TUSC3: variants seen among roughly 807,000 people sequenced by gnomAD.
The protein encoded by TUSC3 is dolichyl-diphosphooligosaccharide--protein glycosyltransferase subunit TUSC3.
In TUSC3, 45 loss-of-function variants were observed where a neutral mutation model predicts 44.8. That is an observed-to-expected ratio of 1.00 (90% confidence interval 0.79 to 1.29). The LOEUF is 1.29. Among genes scored for constraint, TUSC3 ranks in the 50% most tolerant of loss-of-function variants. TUSC3 has a pLI of 0.00. For synonymous variants in TUSC3, 212 were observed against 152.9 expected, an observed-to-expected ratio of 1.39 and a Z score of -2.85; for missense variants, 519 against 437.9, an observed-to-expected ratio of 1.19 and a Z score of -1.65.
intron 1 of TUSC3, among the ~76,000 whole-genome samples, chr8:15,464,662 T>C (rs1000532560): frequency 3.2e-4 from 48 of 152,206 alleles, no homozygotes; most frequent in African/African-American, 1.1e-3. Flanking sequence ...GTTGGAGATA[T>C]GGGACTTTAA....
At chr8:15,445,410 G>C (rs1466962270) in intron 1 of TUSC3, among the ~76,000 whole-genome samples, 3 of 152,134 alleles carry the variant, frequency 2.0e-5, no homozygotes, top group Non-Finnish European at 4.4e-5. Context: ...GGGAAGGTTA[G>C]CAGATAAACA....
chr8:15,775,323 CTATT>C, the TUSC3 span, among the ~76,000 whole-genome samples: 3 of 152,046 alleles, frequency 2.0e-5, no homozygotes, highest in Admixed American at 6.6e-5. Flanking sequence ...TGGGGAGTGA[CTATT>C]TAGTGGCTTG....
intron 6 of TUSC3, among the ~76,000 whole-genome samples, chr8:15,730,064 A>G (rs1280663128): frequency 6.6e-6 from 1 of 152,170 alleles, no homozygotes; most frequent in African/African-American, 2.4e-5. Context: ...AGAGATTATC[A>G]GCAGAAATAA....
At chr8:15,523,725 T>TATATATATATATATATATAA (rs1315120888) in intron 2 of TUSC3, among the ~76,000 whole-genome samples, 3 of 134,232 alleles carry the variant, frequency 2.2e-5, no homozygotes, top group African/African-American at 8.7e-5. Flanking sequence ...TATATATATA[T>TATATATATATATATATATAA]AAAGTAGTTC....
downstream of TUSC3, among the ~76,000 whole-genome samples, chr8:15,769,395 A>C (rs549416955): frequency 2.2e-4 from 34 of 152,178 alleles, no homozygotes; most frequent in East Asian, 4.5e-3. Context: ...CTGAAACTGG[A>C]CCCCTCCCTT....
chr8:15,459,976 C>T lies in TUSC3; in HGVS notation n.92-23410C>T, dbSNP rs542337436. Among the ~76,000 whole-genome samples the T allele has an allele frequency of 1.4e-4, 22 of 152,150 alleles. 1 individual carries two copies. Among genetic ancestry groups the T allele is most frequent in the African/African-American group, 5.1e-4 (21 of 41,506 alleles). On this transcript the variant is annotated intron_variant and non_coding_transcript_variant, in intron 1 of 5. Coordinates refer to the TUSC3 transcript ENST00000503191. The stretch of plus-strand genomic sequence containing the variant: ...GGTTGGTTCCAGAATTTTGCAATTG[C>T]TAATTGTGCAGCTATAAACATGCAT...
At position 15,453,690 on chromosome 8, in the gene TUSC3, G is replaced by A. The variant is rs186545577; in HGVS notation, n.92-29696G>A. Among the ~76,000 whole-genome samples the A allele has an allele frequency of 1.5e-3, 230 of 152,170 alleles. 2 individuals are homozygous for A. Among genetic ancestry groups the A allele is most frequent in the Admixed American group, 0.014 (216 of 15,288 alleles). ...ATATTTTACTTACATTAATCACTTGGGACTTAGTATAATTACACAGAGAAT... is the reference window on the plus strand; with the variant it reads ...ATATTTTACTTACATTAATCACTTGAGACTTAGTATAATTACACAGAGAAT... On this transcript the variant is annotated intron_variant and non_coding_transcript_variant, in intron 1 of 5. Transcript: ENST00000503191.
At chr8:15,836,370 C>T in the TUSC3 span, among the ~76,000 whole-genome samples, 12 of 150,858 alleles carry the variant, frequency 8.0e-5, no homozygotes, top group East Asian at 1.8e-3. Context: ...CCCAGCTACT[C>T]GGATGCTGAG....
chr8:15,692,187 G>A (rs1023862113), intron 6 of TUSC3, among the ~76,000 whole-genome samples: 2 of 152,056 alleles, frequency 1.3e-5, no homozygotes, highest in African/African-American at 2.4e-5. Context: ...TGATCATGGT[G>A]GATTAACTTT....
intron 1 of TUSC3, among the ~76,000 whole-genome samples, chr8:15,599,280 T>C (rs1369796030): frequency 6.6e-6 from 1 of 151,854 alleles, no homozygotes; most frequent in Non-Finnish European, 1.5e-5. Context: ...TTGGGTTGTT[T>C]TGTTCTTATT....
intron 6 of TUSC3, among the ~76,000 whole-genome samples, chr8:15,719,089 CTCCTTGCTTCTA>C (rs1810189370): frequency 6.6e-6 from 1 of 152,070 alleles, no homozygotes; most frequent in Non-Finnish European, 1.5e-5. Flanking sequence ...TTTCCCTGGT[CTCCTTGCTTCTA>C]TGCTTGCTTC....
At chr8:15,612,077 G>A (rs781485267) in intron 1 of TUSC3, among the ~76,000 whole-genome samples, 3 of 152,274 alleles carry the variant, frequency 2.0e-5, no homozygotes, top group Non-Finnish European at 4.4e-5. Flanking sequence ...CTGTGGGTTA[G>A]CAGTTGATAC....
At chr8:15,519,108 T>G (rs986969863) in intron 2 of TUSC3, among the ~76,000 whole-genome samples, 11 of 152,306 alleles carry the variant, frequency 7.2e-5, no homozygotes, top group African/African-American at 2.4e-4. Flanking sequence ...GATATACACA[T>G]CTACTGACAT....
intron 2 of TUSC3, among the ~76,000 whole-genome samples, chr8:15,534,794 A>T (rs1801500753): frequency 6.6e-6 from 1 of 152,198 alleles, no homozygotes; most frequent in Non-Finnish European, 1.5e-5. Flanking sequence ...GTATAGACAA[A>T]AAAGGTAAAG....
chr8:15,803,988 T>C, the TUSC3 span, among the ~76,000 whole-genome samples: 1 of 152,218 alleles, frequency 6.6e-6, no homozygotes, highest in African/African-American at 2.4e-5. Context: ...TTTGCTATTG[T>C]AATTAATGCT....
rs1297747881 is a variant in TUSC3 at position 15,765,033 on chromosome 8, T to A, written c.*877T>A. On this transcript the variant is annotated 3_prime_UTR_variant, in exon 11 of 11. Coordinates refer to ENST00000503731, the MANE Select transcript of TUSC3 (RefSeq NM_006765.4). ...TCTTTGAATCCAGGTAAAAGGTTAA[T>A]TATCCTAGGATTAGTGAATGATTCA... 6.6e-6 allele frequency: 1 copy of A among 152,050 alleles called. No homozygotes were observed. The highest frequency in any genetic ancestry group is 2.4e-5 in the African/African-American group (1 of 41,444). 9.4% of individuals were successfully genotyped at this position (152,050 alleles called of 1,614,324 possible).
At chr8:15,600,410 C>A (rs907489623) in intron 1 of TUSC3, among the ~76,000 whole-genome samples, 2 of 151,724 alleles carry the variant, frequency 1.3e-5, no homozygotes, top group African/African-American at 4.8e-5. Context: ...AGAATATGAA[C>A]ATAATCCTAA....
In TUSC3 at chr8:15,457,325, A is replaced by G. The variant is rs868852935; in HGVS notation, n.92-26061A>G. On this transcript the variant is annotated intron_variant and non_coding_transcript_variant, in intron 1 of 5. Coordinates refer to the TUSC3 transcript ENST00000503191. ...AGAACTTAAAGTATAATAAAAATATATATATATTTAAAAAAACAAAAACAA... is the reference window on the plus strand; with the variant it reads ...AGAACTTAAAGTATAATAAAAATATGTATATATTTAAAAAAACAAAAACAA... Among the ~76,000 whole-genome samples the G allele has an allele frequency of 8.6e-5, 13 of 151,940 alleles. No individual in the cohort carries two copies. In the South Asian group the frequency reaches 1.2e-3, roughly 15 times the overall value.
chr8:15,801,994 C>A, the TUSC3 span, among the ~76,000 whole-genome samples: 1 of 152,160 alleles, frequency 6.6e-6, no homozygotes, highest in Non-Finnish European at 1.5e-5. Flanking sequence ...ACCTTCACTT[C>A]TGACCAGCTG....
Sources: allele counts gnomAD v4.1 joint callset (sites outside exome capture counted in the v4.1 genomes callset), GRCh38; gene constraint gnomAD v4.1.1; transcripts MANE v1.5; gene names NCBI Gene and HGNC (gene_info 2026-07-23, HGNC 2026-07-21).